Variants in KCNIP4 observed in about 807,000 individuals in gnomAD.
KCNIP4 encodes the protein Kv channel-interacting protein 4.
Under a neutral mutation model 34.0 loss-of-function variants are expected in KCNIP4, and 12 were observed. The ratio of observed to expected loss-of-function variants is 0.35; its 90% CI spans 0.23 to 0.57. KCNIP4 has a LOEUF of 0.57. KCNIP4 is among the 20% of genes least tolerant of loss of function. The probability of loss-of-function intolerance (pLI) is 0.83; values close to 1 mark genes in which losing one functional copy is unlikely to be tolerated. For synonymous variants in KCNIP4, 124 were observed against 102.2 expected, an observed-to-expected ratio of 1.21 and a Z score of -1.29; for missense variants, 238 against 311.7, an observed-to-expected ratio of 0.76 and a Z score of 1.78.
chr4:20,850,493 AT>A, intron 3 of KCNIP4, 49 bp downstream of exon 3: 1 of 1,590,298 alleles, frequency 6.3e-7, no homozygotes, highest in South Asian at 1.1e-5. Flanking sequence ...TCATTTCTCA[AT>A]GCTCCTCTGG....
intron 1 of KCNIP4, among the ~76,000 whole-genome samples, chr4:21,093,404 C>A (rs1228993286): frequency 6.6e-6 from 1 of 152,154 alleles, no homozygotes; most frequent in Non-Finnish European, 1.5e-5. Flanking sequence ...AAGCTGAATG[C>A]AAGATACCTT....
rs1444470825 is a variant in KCNIP4, at chr4:21,377,042, A to G, written c.62-494333T>C. Among the ~76,000 whole-genome samples, 4 of 152,294 alleles carry G rather than the reference A, an allele frequency of 2.6e-5. No individual in the cohort carries two copies. The East Asian group carries it at 7.7e-4, about 29-fold the overall frequency. On this transcript the variant is annotated intron_variant, in intron 1 of 8. Coordinates refer to ENST00000382152, the MANE Select transcript of KCNIP4 (RefSeq NM_025221.6). ...CCTTTTTTCTTTATTTTCAGTAAGG[A>G]ATTAAATTAGAAAAATCATTTGCAT...
chr4:21,608,288 T>C (rs113270246), intron 1 of KCNIP4, among the ~76,000 whole-genome samples: 8,667 of 152,308 alleles, frequency 0.057, 348 homozygotes, highest in Non-Finnish European at 0.088. Context: ...AAGCCTGATA[T>C]AAAGGTGTCT....
At chr4:21,532,806 G>A (rs530389740) in intron 1 of KCNIP4, among the ~76,000 whole-genome samples, 1 of 152,042 alleles carries the variant, frequency 6.6e-6, no homozygotes, top group East Asian at 1.9e-4. Flanking sequence ...TAAATTATAT[G>A]GATCTCTGGA....
chr4:21,920,137 G>A (rs1206623528), intron 1 of KCNIP4, among the ~76,000 whole-genome samples: 2 of 152,106 alleles, frequency 1.3e-5, no homozygotes, highest in African/African-American at 2.4e-5. Context: ...TTAAACTGAT[G>A]CTGAATTTGT....
intron 3 of KCNIP4, among the ~76,000 whole-genome samples, chr4:20,849,542 G>A (rs1720776995): frequency 6.6e-6 from 1 of 152,186 alleles, no homozygotes; most frequent in African/African-American, 2.4e-5. Flanking sequence ...GGCAGCAGTT[G>A]TGGTGGTCAG....
At chr4:21,630,374 G>A (rs554600514) in intron 1 of KCNIP4, among the ~76,000 whole-genome samples, 23 of 151,638 alleles carry the variant, frequency 1.5e-4, no homozygotes, top group African/African-American at 5.3e-4. Flanking sequence ...CAGAAGAATC[G>A]CTTGGACCTG....
In KCNIP4 at chr4:20,729,843, T is replaced by G. The variant is rs1317354573; in HGVS notation, c.*239A>C. On this transcript the variant is annotated 3_prime_UTR_variant, in exon 9 of 9. Coordinates refer to ENST00000382152, the MANE Select transcript of KCNIP4 (RefSeq NM_025221.6). ...TGCCAGATTCTATTACTTTTGAATA[T>G]TCACAGAGTATGAAATGAGTTAGAC... is the stretch of plus-strand genomic sequence containing the variant. The G allele has an allele frequency of 2.5e-6, 1 of 392,290 alleles. No homozygotes were observed. Among genetic ancestry groups the G allele is most frequent in the African/African-American group, 2.1e-5 (1 of 48,278 alleles). 24.3% of individuals were successfully genotyped at this position (392,290 alleles called of 1,614,324 possible). A position where few individuals can be genotyped will look rare whatever the true frequency, so the allele number is the denominator to read the frequency against.
rs118044449 is a variant in KCNIP4, at chr4:21,378,819, A to G, written c.62-496110T>C. Among the ~76,000 whole-genome samples the G allele has an allele frequency of 5.1e-4, 78 of 152,290 alleles. No homozygotes were observed. The East Asian group carries it at 0.014, about 28-fold the overall frequency. On this transcript the variant is annotated intron_variant, in intron 1 of 8. Coordinates refer to ENST00000382152, the MANE Select transcript of KCNIP4 (RefSeq NM_025221.6). The stretch of plus-strand genomic sequence containing the variant: ...TCTATTTTTGTTTAAATTAAAATAT[A>G]GAAAGGAAATAGAGCAAGACACCTT...
At chr4:21,589,449 CA>C (rs1741996311) in intron 1 of KCNIP4, among the ~76,000 whole-genome samples, 1 of 148,636 alleles carries the variant, frequency 6.7e-6, no homozygotes, top group South Asian at 2.1e-4. Context: ...CCTTAAAGGG[CA>C]AAAAAAGCAT....
intron 1 of KCNIP4, 109 bp downstream of exon 1, chr4:21,948,462 G>C: frequency 8.1e-7 from 1 of 1,229,940 alleles, no homozygotes; most frequent in Non-Finnish European, 1.1e-6. Context: ...GTCTCATGCA[G>C]CGAAGGCAAC....
At chr4:21,527,126 C>G (rs1002298056) in intron 1 of KCNIP4, among the ~76,000 whole-genome samples, 1 of 152,102 alleles carries the variant, frequency 6.6e-6, no homozygotes, top group Non-Finnish European at 1.5e-5. Context: ...CAGATAATGC[C>G]TAGGCTGCCG....
At chr4:21,111,522 G>A (rs998700235) in intron 1 of KCNIP4, among the ~76,000 whole-genome samples, 1 of 152,170 alleles carries the variant, frequency 6.6e-6, no homozygotes, top group African/African-American at 2.4e-5. Flanking sequence ...TCTAGAACAG[G>A]TAGGAACAGA....
intron 1 of KCNIP4, among the ~76,000 whole-genome samples, chr4:21,366,357 A>G (rs1433744808): frequency 1.3e-5 from 2 of 152,200 alleles, no homozygotes; most frequent in African/African-American, 4.8e-5. Flanking sequence ...ATTTTCAGCC[A>G]TGCCAGCAAT....
At chr4:21,924,591 T>C (rs73117914) in intron 1 of KCNIP4, among the ~76,000 whole-genome samples, 1 of 152,312 alleles carries the variant, frequency 6.6e-6, no homozygotes, top group African/African-American at 2.4e-5. Flanking sequence ...ATTAGGCTTC[T>C]GGATTAACAA....
chr4:20,747,650 CTCTCAG>C (rs1266136469), intron 5 of KCNIP4, among the ~76,000 whole-genome samples: 7 of 152,096 alleles, frequency 4.6e-5, no homozygotes, highest in Admixed American at 2.6e-4. Flanking sequence ...TCCTTCTCCA[CTCTCAG>C]CTTTTATTTT....
intron 1 of KCNIP4, among the ~76,000 whole-genome samples, chr4:21,792,017 A>C (rs1448109432): frequency 6.7e-6 from 1 of 150,132 alleles, no homozygotes; most frequent in African/African-American, 2.5e-5. Flanking sequence ...AAAAAAAAAA[A>C]AAAAAAAAAA....
intron 1 of KCNIP4, among the ~76,000 whole-genome samples, chr4:21,605,555 A>T (rs1011786008): frequency 6.6e-6 from 1 of 151,878 alleles, no homozygotes; most frequent in Non-Finnish European, 1.5e-5. Flanking sequence ...ATCTCGGCTC[A>T]TTGCAACCTT....
rs199907841 is a variant in KCNIP4 at position 21,323,146 on chromosome 4, ATATATATATATATATATG to A, written c.62-440455_62-440438del. Among the ~76,000 whole-genome samples, 452 of 76,924 alleles carry A rather than the reference ATATATATATATATATATG, an allele frequency of 5.9e-3. 8 individuals carry two copies. Among genetic ancestry groups the A allele is most frequent in the African/African-American group, 0.024 (429 of 18,156 alleles). The allele number at this position is 76,924 out of a possible 152,430, so 50.5% of individuals were successfully genotyped here. A position where few individuals can be genotyped will look rare whatever the true frequency, so the allele number is the denominator to read the frequency against. On this transcript the variant is annotated intron_variant, in intron 1 of 8. Coordinates refer to ENST00000382152, the MANE Select transcript of KCNIP4 (RefSeq NM_025221.6). The stretch of plus-strand genomic sequence containing the variant: ...GAAAAATGGCATCTCTTTTGTAAGT[ATATATATATATATATATG>A]TATATATATATGGAATACATGAGAT...
Sources: gnomAD v4.1 joint callset for allele counts (sites outside exome capture counted in the v4.1 genomes callset) on GRCh38, gnomAD v4.1.1 for gene constraint, MANE v1.5 for transcripts, NCBI Gene and HGNC (gene_info 2026-07-23, HGNC 2026-07-21) for gene names.